Variants in MECOM observed in about 807,000 individuals in gnomAD.
MECOM encodes the protein MDS1 and EVI1 complex locus.
In MECOM, 13 loss-of-function variants were observed where a neutral mutation model predicts 116.3. The observed-to-expected ratio is 0.11, with a 90% confidence interval of 0.07 to 0.18. The LOEUF (loss-of-function observed/expected upper bound fraction) is 0.18, where lower values mean the gene tolerates loss of function less well. Ranked by LOEUF, MECOM falls within the 10% of genes least tolerant of loss-of-function variation. The pLI, the probability that MECOM is intolerant of heterozygous loss-of-function variation, is 1.00. For missense variants in MECOM, 1,299 were observed against 1,509.0 expected (o/e 0.86, Z 2.31); for synonymous variants, 528 against 535.2 (o/e 0.99, Z 0.19).
At chr3:169,286,023 G>A (rs190853331) in intron 2 of MECOM, among the ~76,000 whole-genome samples, 11 of 152,316 alleles carry the variant, frequency 7.2e-5, no homozygotes, top group Non-Finnish European at 1.5e-4. Context: ...ATGAAAACAT[G>A]CATTCGCTGT....
At chr3:169,200,913 T>A (rs767466191) in intron 2 of MECOM, among the ~76,000 whole-genome samples, 1 of 152,086 alleles carries the variant, frequency 6.6e-6, no homozygotes, top group Non-Finnish European at 1.5e-5. Flanking sequence ...CCCCAAAGAC[T>A]TTCCTGACTA....
At chr3:169,086,677 A>G (rs1220537674) in intron 16 of MECOM, 9 of 656,114 alleles carry the variant, frequency 1.4e-5, no homozygotes, top group African/African-American at 3.6e-5. Context: ...GAGGTAATAC[A>G]TAAATAGTAC....
At chr3:169,607,969 T>A (rs1468162752) in intron 1 of MECOM, among the ~76,000 whole-genome samples, 1 of 152,196 alleles carries the variant, frequency 6.6e-6, no homozygotes, top group East Asian at 1.9e-4. Flanking sequence ...ACAGACTGTT[T>A]GTCAGTTAAA....
intron 1 of MECOM, among the ~76,000 whole-genome samples, chr3:169,425,034 C>T (rs147575849): frequency 6.6e-6 from 1 of 152,000 alleles, no homozygotes; most frequent in Non-Finnish European, 1.5e-5. Flanking sequence ...AAAAGCCAGA[C>T]CCAGATGTCC....
intron 1 of MECOM, among the ~76,000 whole-genome samples, chr3:169,488,372 CAAAAAAAAA>C (rs758493062): frequency 0.019 from 1,206 of 62,410 alleles, 25 homozygotes; most frequent in African/African-American, 0.06. Context: ...ACTAAAAATA[CAAAAAAAAA>C]AAAAAAAAAA....
At chr3:169,626,314 C>G (rs1771365632) in intron 1 of MECOM, among the ~76,000 whole-genome samples, 1 of 152,200 alleles carries the variant, frequency 6.6e-6, no homozygotes, top group Non-Finnish European at 1.5e-5. Flanking sequence ...GTAAATTTCT[C>G]TATGTCTGAC....
intron 1 of MECOM, among the ~76,000 whole-genome samples, chr3:169,545,067 G>A (rs563138050): frequency 2.0e-5 from 3 of 151,096 alleles, no homozygotes; most frequent in Non-Finnish European, 4.4e-5. Context: ...TTAAAAAAAA[G>A]AAAATGGTAT....
chr3:169,177,402 A>C (rs1290820601), intron 2 of MECOM, among the ~76,000 whole-genome samples: 1 of 152,096 alleles, frequency 6.6e-6, no homozygotes, highest in Non-Finnish European at 1.5e-5. Context: ...CTCACTCATA[A>C]GTGGGAGTTG....
Position 169,557,776 on chromosome 3 carries a change from T to C in MECOM, c.37+105560A>G, listed in dbSNP as rs140425009. ...GGCAAGGCAAGAAACACACTTTTTC[T>C]TCAACCTAGTTGGTTGGACCAAATG... On this transcript the variant is annotated intron_variant, in intron 1 of 16. Coordinates refer to ENST00000651503, the MANE Select transcript of MECOM (RefSeq NM_004991.4). 1.9e-4 allele frequency among the ~76,000 whole-genome samples: 29 copies of C among 152,356 alleles called. No homozygotes were observed. In the East Asian group the frequency reaches 5.4e-3, roughly 28 times the overall value.
chr3:169,405,994 T>G (rs936661056), intron 1 of MECOM, among the ~76,000 whole-genome samples: 2 of 152,214 alleles, frequency 1.3e-5, no homozygotes, highest in Non-Finnish European at 2.9e-5. Flanking sequence ...ATGTTGAAGA[T>G]TATGGGTTAG....
intron 1 of MECOM, among the ~76,000 whole-genome samples, chr3:169,496,119 G>T (rs932904059): frequency 7.2e-5 from 11 of 152,188 alleles, no homozygotes; most frequent in Non-Finnish European, 1.6e-4. Context: ...TTGTTATGGG[G>T]AAATTGGAAG....
intron 9 of MECOM, among the ~76,000 whole-genome samples, chr3:169,109,234 G>A (rs3863097): frequency 0.88 from 134,549 of 152,216 alleles, 59,599 homozygotes; most frequent in Admixed American, 0.9. Flanking sequence ...ATATGCAGGG[G>A]AAGCCTCTAC....
intron 1 of MECOM, among the ~76,000 whole-genome samples, chr3:169,520,029 T>C (rs1327380764): frequency 6.6e-6 from 1 of 152,244 alleles, no homozygotes; most frequent in African/African-American, 2.4e-5. Flanking sequence ...CATTCGGGAC[T>C]TCTGTGGAAA....
chr3:169,134,510 A>C (rs1735760968), intron 3 of MECOM, among the ~76,000 whole-genome samples: 1 of 152,196 alleles, frequency 6.6e-6, no homozygotes, highest in Non-Finnish European at 1.5e-5. Context: ...TGAGGTTTGA[A>C]AAGAACTGGC....
At chr3:169,193,947 C>G (rs1419131641) in intron 2 of MECOM, among the ~76,000 whole-genome samples, 1 of 151,938 alleles carries the variant, frequency 6.6e-6, no homozygotes, top group East Asian at 1.9e-4. Flanking sequence ...TCATGTTGCA[C>G]TCTGAAAATA....
chr3:169,494,547 A>G (rs1753583464), intron 1 of MECOM, among the ~76,000 whole-genome samples: 1 of 152,258 alleles, frequency 6.6e-6, no homozygotes, highest in Non-Finnish European at 1.5e-5. Context: ...GCTATAAGCT[A>G]ACTAAAATGG....
chr3:169,181,805 G>A (rs183030659), intron 2 of MECOM, among the ~76,000 whole-genome samples: 1 of 152,284 alleles, frequency 6.6e-6, no homozygotes, highest in African/African-American at 2.4e-5. Context: ...GCAGGATTAT[G>A]GAGTCAGGCG....
intron 1 of MECOM, among the ~76,000 whole-genome samples, chr3:169,517,226 C>T (rs1756748502): frequency 6.6e-6 from 1 of 152,170 alleles, no homozygotes. Flanking sequence ...ATCTTGTTGA[C>T]TACTTCCAGA....
chr3:169,572,886 G>A (rs931118426), intron 1 of MECOM, among the ~76,000 whole-genome samples: 2 of 152,046 alleles, frequency 1.3e-5, no homozygotes, highest in African/African-American at 4.8e-5. Flanking sequence ...TAGATGACAG[G>A]TTGATGGGTG....
Sources: gnomAD v4.1 joint callset for allele counts (sites outside exome capture counted in the v4.1 genomes callset) on GRCh38, gnomAD v4.1.1 for gene constraint, MANE v1.5 for transcripts, NCBI Gene and HGNC (gene_info 2026-07-23, HGNC 2026-07-21) for gene names.